OR5A2: variants seen among roughly 807,000 people sequenced by gnomAD.
OR5A2 encodes olfactory receptor 5A2.
For missense variants in OR5A2, 406 were observed against 398.9 expected (o/e 1.02, Z -0.15); for synonymous variants, 155 against 151.1 (o/e 1.03, Z -0.19).
Position 59,421,735 on chromosome 11 carries a change from GT to G in OR5A2, c.*243del, listed in dbSNP as rs549913683. 2 of 427,908 alleles carry G rather than the reference GT, an allele frequency of 4.7e-6. No individual in the cohort carries two copies. The highest frequency in any genetic ancestry group is 1.1e-4 in the South Asian group (2 of 18,936). 26.5% of individuals were successfully genotyped at this position (427,908 alleles called of 1,614,324 possible). A position where few individuals can be genotyped will look rare whatever the true frequency, so the allele number is the denominator to read the frequency against. ...AAACTCTGTTTTAACATTCCAGGAT[GT>G]TTTTTGTCATGATGAAGTTTTCTGC... On this transcript the variant is annotated 3_prime_UTR_variant, in exon 2 of 2. Transcript: ENST00000302040.
rs555864424 is a variant in OR5A2, at chr11:59,425,041, C to T, written c.-92+1130G>A. On this transcript the variant is annotated intron_variant, in intron 1 of 1. Coordinates refer to ENST00000302040, the MANE Select transcript of OR5A2 (RefSeq NM_001001954.2). ...TATCCTTGTAACCACCCAATGGGTT[C>T]ACCTTGCCCACTGCCTAGACAGAGC... The T allele has an allele frequency of 5.9e-5, 9 of 152,328 alleles. No homozygotes were observed. In the South Asian group the frequency reaches 6.2e-4, roughly 11 times the overall value. The allele number at this position is 152,328 out of a possible 1,614,324, so 9.4% of individuals were successfully genotyped here.
rs781621385 is a variant in OR5A2, at chr11:59,420,619, A to T, written c.*1360T>A. The T allele has an allele frequency of 6.6e-6, 1 of 152,172 alleles. No individual in the cohort carries two copies. Among genetic ancestry groups the T allele is most frequent in the Non-Finnish European group, 1.5e-5 (1 of 68,018 alleles). The allele number at this position is 152,172 out of a possible 1,614,324, so 9.4% of individuals were successfully genotyped here. On this transcript the variant is annotated 3_prime_UTR_variant, in exon 2 of 2. Coordinates refer to ENST00000302040, the MANE Select transcript of OR5A2 (RefSeq NM_001001954.2). ...CCAAGCAACTTGCCTAAAGACACAC[A>T]GGCAGATATTATTTACTCACTTATT...
Position 59,426,165 on chromosome 11 carries a change from A to G in OR5A2, c.-92+6T>C, listed in dbSNP as rs999778653. ...GATGAGGTAGGAGGGAATGAGCTGG[A>G]CTTACTGGATTGCATTGGGCAGAAG... On this transcript the variant is annotated splice_donor_region_variant and intron_variant, in intron 1 of 1. Coordinates refer to ENST00000302040, the MANE Select transcript of OR5A2 (RefSeq NM_001001954.2). The G allele has an allele frequency of 2.0e-5, 3 of 152,188 alleles. No individual in the cohort carries two copies. The highest frequency in any genetic ancestry group is 7.2e-5 in the African/African-American group (3 of 41,442). 9.4% of individuals were successfully genotyped at this position (152,188 alleles called of 1,614,324 possible).
At chr11:59,423,491 G>A (rs1366716971) in intron 1 of OR5A2, 1 of 152,500 alleles carries the variant, frequency 6.6e-6, no homozygotes, top group Non-Finnish European at 1.5e-5. Context: ...AATTTAGTGG[G>A]CTACAATTTT....
At position 59,422,652 on chromosome 11, in the gene OR5A2, T is replaced by A. The variant is rs762374199; in HGVS notation, c.302A>T (p.Gln101Leu). 1 of 1,614,158 alleles carries A rather than the reference T, an allele frequency of 6.2e-7. No individual in the cohort carries two copies. Among genetic ancestry groups the A allele is most frequent in the South Asian group, 1.1e-5 (1 of 91,074 alleles). ...KTISFVGCATQYFVFCGMGLT... is the reference protein window; with the variant it reads ...KTISFVGCATLYFVFCGMGLT... ...CCCCATCCCACAGAAGACAAAGTACTGAGTGGCACAGCCAACAAAGGAAAT... is the reference window on the plus strand; with the variant it reads ...CCCCATCCCACAGAAGACAAAGTACAGAGTGGCACAGCCAACAAAGGAAAT... Residue 101 changes from glutamine (Q) to leucine (L), a missense_variant, in exon 2 of 2, where the codon CAG becomes CTG. Physicochemically the swap from Gln to Leu is moderately radical, Grantham distance 113. Coordinates refer to ENST00000302040, the MANE Select transcript of OR5A2 (RefSeq NM_001001954.2).
rs1350916343 is a variant in OR5A2, at chr11:59,420,058, T to G, written c.*1921A>C. ...GTTATGCTACAGTCAGATTGTAAAG[T>G]AAGTCACTGTATATGGTGTTAAATA... On this transcript the variant is annotated 3_prime_UTR_variant, in exon 2 of 2. Coordinates refer to ENST00000302040, the MANE Select transcript of OR5A2 (RefSeq NM_001001954.2). The G allele has an allele frequency of 6.6e-6, 1 of 152,186 alleles. No individual in the cohort carries two copies. Among genetic ancestry groups the G allele is most frequent in the Non-Finnish European group, 1.5e-5 (1 of 68,034 alleles). 9.4% of individuals were successfully genotyped at this position (152,186 alleles called of 1,614,324 possible). A position where few individuals can be genotyped will look rare whatever the true frequency, so the allele number is the denominator to read the frequency against.
chr11:59,423,158 C>G, intron 1 of OR5A2, 114 bp from the exon 2 acceptor site: 1 of 542,850 alleles, frequency 1.8e-6, no homozygotes, highest in Non-Finnish European at 3.3e-6. Flanking sequence ...TCCATATGCT[C>G]TATGCTTGTT....
In OR5A2 at chr11:59,418,022, T is replaced by C. The variant is rs1055809146; in HGVS notation, c.*3957A>G. The C allele has an allele frequency of 1.3e-5, 2 of 152,074 alleles. No homozygotes were observed. The highest frequency in any genetic ancestry group is 4.8e-5 in the African/African-American group (2 of 41,432). 9.4% of individuals were successfully genotyped at this position (152,074 alleles called of 1,614,324 possible). On this transcript the variant is annotated 3_prime_UTR_variant, in exon 2 of 2. Coordinates refer to ENST00000302040, the MANE Select transcript of OR5A2 (RefSeq NM_001001954.2). ...GAAGCATTTTAGAGAAAAAAATATA[T>C]ATTTCTTAGACCAAAAGTAGGAAAA...
In OR5A2 at chr11:59,421,372, G is replaced by A. The variant is rs2134522058; in HGVS notation, c.*607C>T. 2 of 152,566 alleles carry A rather than the reference G, an allele frequency of 1.3e-5. No homozygotes were observed. The highest frequency in any genetic ancestry group is 4.1e-4 in the South Asian group (2 of 4,828). 9.5% of individuals were successfully genotyped at this position (152,566 alleles called of 1,614,324 possible). On this transcript the variant is annotated 3_prime_UTR_variant, in exon 2 of 2. Coordinates refer to ENST00000302040, the MANE Select transcript of OR5A2 (RefSeq NM_001001954.2). The stretch of plus-strand genomic sequence containing the variant: ...CCACCAGGCCCCACCTCCAGCACTG[G>A]AGATTGCAATTAAACATGAGATGTG...
intron 1 of OR5A2, chr11:59,424,728 T>C (rs1272305190): frequency 1.3e-5 from 2 of 152,254 alleles, no homozygotes; most frequent in Non-Finnish European, 2.9e-5. Context: ...TGTTTGCCCA[T>C]GCATGTTTGC....
rs1292486377 is a variant in OR5A2 at position 59,421,961 on chromosome 11, A to G, written c.*18T>C. ...AATGTCTGCACAATTCACCTAGCTC[A>G]CAGCTTCATTGTAAACATTAGCCCA... On this transcript the variant is annotated 3_prime_UTR_variant, in exon 2 of 2. Coordinates refer to ENST00000302040, the MANE Select transcript of OR5A2 (RefSeq NM_001001954.2). 1.3e-6 allele frequency: 2 copies of G among 1,568,100 alleles called. No individual in the cohort carries two copies. The highest frequency in any genetic ancestry group is 1.7e-6 in the Non-Finnish European group (2 of 1,156,428).
chr11:59,417,618 TAGTC>T lies in OR5A2; in HGVS notation c.*4357_*4360del, dbSNP rs1858171082. ...ATGGCGTATCACCTTACATGCAAGA[TAGTC>T]AGGTTGCCCCTGCTTGCTTTTATGT... On this transcript the variant is annotated 3_prime_UTR_variant, in exon 2 of 2. Transcript: ENST00000302040. The T allele has an allele frequency of 6.6e-6, 1 of 152,058 alleles. No homozygotes were observed. Among genetic ancestry groups the T allele is most frequent in the Non-Finnish European group, 1.5e-5 (1 of 67,988 alleles). The allele number at this position is 152,058 out of a possible 1,614,324, so 9.4% of individuals were successfully genotyped here.
Position 59,422,545 on chromosome 11 carries a change from T to G in OR5A2, c.409A>C (p.Ile137Leu), listed in dbSNP as rs758980513. The G allele has an allele frequency of 6.2e-7, 1 of 1,614,148 alleles. No individual in the cohort carries two copies. Residue 137 changes from isoleucine (I) to leucine (L), a missense_variant, in exon 2 of 2, where the codon ATA becomes CTA. Transcript: ENST00000302040. ...ICNPLLYTVL[I>L]SHTLCLKMVV... ...ATCTTTAAACAAAGTGTATGGGATA[T>G]GAGGACTGTGTAAAGCAAGGGGTTG...
intron 1 of OR5A2, 168 bp from the exon 2 acceptor site, chr11:59,423,212 G>T: frequency 2.6e-6 from 1 of 378,118 alleles, no homozygotes; most frequent in Non-Finnish European, 4.8e-6. Context: ...AAACTGATTG[G>T]GAGTCAGAAG....
chr11:59,417,791 ATGTT>A lies in OR5A2; in HGVS notation c.*4184_*4187del, dbSNP rs1345069381. ...CATAAGACTATTCATCTTTAGAAAA[ATGTT>A]AAGCATCTCATCAGAGCTCCTTTAA... On this transcript the variant is annotated 3_prime_UTR_variant, in exon 2 of 2. Transcript: ENST00000302040. 2.6e-5 allele frequency: 4 copies of A among 152,024 alleles called. No individual in the cohort carries two copies. Among genetic ancestry groups the A allele is most frequent in the African/African-American group, 9.7e-5 (4 of 41,408 alleles). The allele number at this position is 152,024 out of a possible 1,614,324, so 9.4% of individuals were successfully genotyped here. A position where few individuals can be genotyped will look rare whatever the true frequency, so the allele number is the denominator to read the frequency against.
In OR5A2 at chr11:59,418,517, A is replaced by ACCT. The variant is rs1273215939; in HGVS notation, c.*3459_*3461dup. 1 of 151,688 alleles carries ACCT rather than the reference A, an allele frequency of 6.6e-6. No individual in the cohort carries two copies. Among genetic ancestry groups the ACCT allele is most frequent in the Non-Finnish European group, 1.5e-5 (1 of 67,902 alleles). 9.4% of individuals were successfully genotyped at this position (151,688 alleles called of 1,614,324 possible). On this transcript the variant is annotated 3_prime_UTR_variant, in exon 2 of 2. Coordinates refer to ENST00000302040, the MANE Select transcript of OR5A2 (RefSeq NM_001001954.2). ...GCTAGCCCTCCCAGGAAAGAGTTTC[A>ACCT]CCTCCTCCTCCTTCAAATGGCTATA...
At chr11:59,424,519 T>A (rs1445512869) in intron 1 of OR5A2, 1 of 151,922 alleles carries the variant, frequency 6.6e-6, no homozygotes, top group Non-Finnish European at 1.5e-5. Flanking sequence ...GCCCAGGAGG[T>A]CTAGGCTGCA....
At chr11:59,424,729 G>A (rs1275040885) in intron 1 of OR5A2, 1 of 152,216 alleles carries the variant, frequency 6.6e-6, no homozygotes, top group African/African-American at 2.4e-5. Flanking sequence ...GTTTGCCCAT[G>A]CATGTTTGCA....
chr11:59,418,754 G>T lies in OR5A2; in HGVS notation c.*3225C>A, dbSNP rs918154295. ...AGACTTACATTCTTCTTGGTAGTTG[G>T]GCAAACTGCAAAAATACCTTATATC... On this transcript the variant is annotated 3_prime_UTR_variant, in exon 2 of 2. Transcript: ENST00000302040. 2 of 151,744 alleles carry T rather than the reference G, an allele frequency of 1.3e-5. No individual in the cohort carries two copies. The highest frequency in any genetic ancestry group is 2.9e-5 in the Non-Finnish European group (2 of 67,954). 9.4% of individuals were successfully genotyped at this position (151,744 alleles called of 1,614,324 possible).
Sources: allele counts gnomAD v4.1 joint callset, GRCh38; gene constraint gnomAD v4.1.1; transcripts MANE v1.5; gene names NCBI Gene and HGNC (gene_info 2026-07-23, HGNC 2026-07-21).